The following KREMEN1 variants were observed in gnomAD, a reference collection of about 807,000 sequenced individuals.
KREMEN1 encodes kremen protein 1.
KREMEN1 carries 30 observed loss-of-function variants against 46.5 expected under a neutral mutation model. The observed-to-expected ratio is 0.65, with a 90% CI of 0.48 to 0.88. The LOEUF (loss-of-function observed/expected upper bound fraction) is 0.88. Ranked by LOEUF, KREMEN1 falls within the 40% of genes least tolerant of loss-of-function variation. The pLI, the probability that KREMEN1 is intolerant of heterozygous loss-of-function variation, is 0.00. For synonymous variants in KREMEN1, 214 were observed against 230.6 expected (o/e 0.93, Z 0.65); for missense variants, 533 against 596.9 (o/e 0.89, Z 1.11).
At chr22:29,167,128 G>A (rs1001339574) in exon 10 of KREMEN1, 9 of 1,546,880 alleles carry the variant, frequency 5.8e-6, no homozygotes, top group Non-Finnish European at 7.9e-6. Context: ...ACTAGGCTCC[G>A]TGGGCATATC....
chr22:29,101,813 A>T (rs1371903254), intron 3 of KREMEN1, among the ~76,000 whole-genome samples: 1 of 152,154 alleles, frequency 6.6e-6, no homozygotes, highest in Non-Finnish European at 1.5e-5. Context: ...GTGCAAGTGC[A>T]CTCTATGATG....
chr22:29,119,434 G>A (rs776663742), intron 3 of KREMEN1, among the ~76,000 whole-genome samples: 15 of 152,190 alleles, frequency 9.9e-5, no homozygotes, highest in Admixed American at 4.6e-4. Context: ...CCTCTCCCTG[G>A]AGGATGTGGG....
At chr22:29,165,030 G>A (rs539565272) in intron 9 of KREMEN1, among the ~76,000 whole-genome samples, 89 of 152,074 alleles carry the variant, frequency 5.9e-4, no homozygotes, top group African/African-American at 1.8e-3. Context: ...AAAATTAGCC[G>A]GGCATGGTGG....
intron 7 of KREMEN1, 140 bp downstream of exon 7, chr22:29,138,922 C>T: frequency 8.1e-7 from 1 of 1,236,362 alleles, no homozygotes; most frequent in Non-Finnish European, 1.2e-6. Flanking sequence ...GACCTATAGT[C>T]TGTCCTGGCT....
At chr22:29,119,057 T>C (rs2038289373) in intron 3 of KREMEN1, among the ~76,000 whole-genome samples, 1 of 152,062 alleles carries the variant, frequency 6.6e-6, no homozygotes, top group Non-Finnish European at 1.5e-5. Context: ...TTATAAAGGA[T>C]ATAGGTGTGG....
At chr22:29,077,252 A>G (rs1045253676) in intron 1 of KREMEN1, among the ~76,000 whole-genome samples, 2 of 152,176 alleles carry the variant, frequency 1.3e-5, no homozygotes, top group Non-Finnish European at 2.9e-5. Flanking sequence ...CAATTATTCA[A>G]CTCTGTAGGG....
chr22:29,159,774 C>A (rs764280269), intron 9 of KREMEN1, among the ~76,000 whole-genome samples: 2 of 152,140 alleles, frequency 1.3e-5, no homozygotes, highest in Non-Finnish European at 2.9e-5. Flanking sequence ...CTGCACGTGA[C>A]GTGATGTTGA....
chr22:29,107,748 G>A (rs1363786907), intron 3 of KREMEN1, among the ~76,000 whole-genome samples: 1 of 151,936 alleles, frequency 6.6e-6, no homozygotes. Context: ...ACCAGGTATG[G>A]TAGCATGTGC....
rs2038775812 is a variant in KREMEN1, at chr22:29,142,231, T to TCAC, written c.*119_*120insCAC. On this transcript the variant is annotated 3_prime_UTR_variant, in exon 9 of 9. Coordinates refer to ENST00000400335, the MANE Select transcript of KREMEN1 (RefSeq NM_001039570.3). ...CCTCCTCTCCCTCTGCCTCGGCCTC[T>TCAC]TCGGGGAAACCCTCCTCCTACAGAC... is the stretch of plus-strand genomic sequence containing the variant. 7.2e-7 allele frequency: 1 copy of TCAC among 1,390,036 alleles called. No individual in the cohort carries two copies. The highest frequency in any genetic ancestry group is 1.5e-5 in the African/African-American group (1 of 67,616). The allele number at this position is 1,390,036 out of a possible 1,614,324, so 86.1% of individuals were successfully genotyped here.
At chr22:29,131,566 G>A (rs866123626) in intron 5 of KREMEN1, among the ~76,000 whole-genome samples, 139 of 106,500 alleles carry the variant, frequency 1.3e-3, no homozygotes, top group African/African-American at 5.4e-3. Context: ...ATATATGTGT[G>A]TGTGTGTGTG....
chr22:29,142,537 G>T lies in KREMEN1; in HGVS notation c.*425G>T. 1.0e-6 allele frequency: 1 copy of T among 988,026 alleles called. No individual in the cohort carries two copies. Among genetic ancestry groups the T allele is most frequent in the Non-Finnish European group, 1.2e-6 (1 of 831,764 alleles). 61.2% of individuals were successfully genotyped at this position (988,026 alleles called of 1,614,324 possible). A position where few individuals can be genotyped will look rare whatever the true frequency, so the allele number is the denominator to read the frequency against. On this transcript the variant is annotated 3_prime_UTR_variant, in exon 9 of 9. Transcript: ENST00000400335. The stretch of plus-strand genomic sequence containing the variant: ...TCTATTTTTGTCCACACACAAATCA[G>T]TTTCTCCTGATCTTTATGTCTTGGA...
At position 29,134,094 on chromosome 22, in the gene KREMEN1, C is replaced by T. The variant is rs999671220; in HGVS notation, c.632-3248C>T. On this transcript the variant is annotated intron_variant, in intron 5 of 8. Transcript: ENST00000400335. ...ATGGCCCCTGTGCAAGGATGACATG[C>T]GAATTCATGAAGCATTCTATAATTA... 4 of 151,636 alleles carry T rather than the reference C, an allele frequency of 2.6e-5. No individual in the cohort carries two copies. The East Asian group carries it at 5.8e-4, about 22-fold the overall frequency. 9.4% of individuals were successfully genotyped at this position (151,636 alleles called of 1,614,324 possible). A position where few individuals can be genotyped will look rare whatever the true frequency, so the allele number is the denominator to read the frequency against.
At chr22:29,131,654 GTATATATATACA>G (rs2038550057) in intron 5 of KREMEN1, among the ~76,000 whole-genome samples, 1 of 94,094 alleles carries the variant, frequency 1.1e-5, no homozygotes, top group Non-Finnish European at 2.1e-5. Flanking sequence ...GTATATATAT[GTATATATATACA>G]TGTATATATA....
rs1185827889 is a variant in KREMEN1, at chr22:29,142,031, T to A, written c.1296T>A (p.Pro432=). 1 of 1,613,444 alleles carries A rather than the reference T, an allele frequency of 6.2e-7. No homozygotes were observed. Among genetic ancestry groups the A allele is most frequent in the Admixed American group, 1.7e-5 (1 of 59,940 alleles). ...AAATCTGGAGCATTTTTTACAAGCC[T>A]TCCACTTCAATTTCCATCTTTAAGA... ...SGEIWSIFYK[P]STSISIFKKK... is the part of the protein sequence containing the mutation. The change falls in exon 9 of 9, where the codon CCT becomes CCA. Residue 432 remains proline, a synonymous_variant. Transcript: ENST00000400335.
chr22:29,126,054 G>A (rs2038436563), intron 5 of KREMEN1, among the ~76,000 whole-genome samples: 1 of 151,222 alleles, frequency 6.6e-6, no homozygotes, highest in Non-Finnish European at 1.5e-5. Flanking sequence ...CTCAGTGGCA[G>A]TGAAACTTTA....
downstream of KREMEN1, among the ~76,000 whole-genome samples, chr22:29,151,517 C>T (rs1037305402): frequency 7.2e-5 from 11 of 152,136 alleles, no homozygotes; most frequent in Admixed American, 3.9e-4. Flanking sequence ...GAGCCATCTA[C>T]GCAACTCCAT....
intron 9 of KREMEN1, among the ~76,000 whole-genome samples, chr22:29,165,296 C>T (rs1229280373): frequency 1.3e-5 from 2 of 151,282 alleles, no homozygotes; most frequent in Non-Finnish European, 2.9e-5. Flanking sequence ...TGTAGTCCTC[C>T]GGAGGCTGAG....
At chr22:29,093,274 A>G (rs2037829907) in intron 1 of KREMEN1, among the ~76,000 whole-genome samples, 1 of 152,212 alleles carries the variant, frequency 6.6e-6, no homozygotes. Flanking sequence ...ATGCCAGGAG[A>G]AGGAAAGAAA....
At chr22:29,126,080 T>A (rs1042549651) in intron 5 of KREMEN1, among the ~76,000 whole-genome samples, 1 of 148,754 alleles carries the variant, frequency 6.7e-6, no homozygotes, top group Non-Finnish European at 1.5e-5. Flanking sequence ...ATTACAGCGC[T>A]GTGCAGCACC....
Sources: allele counts gnomAD v4.1 joint callset (sites outside exome capture counted in the v4.1 genomes callset), GRCh38; gene constraint gnomAD v4.1.1; transcripts MANE v1.5; gene names NCBI Gene and HGNC (gene_info 2026-07-23, HGNC 2026-07-21).